Variants in GRIK1 observed in about 807,000 individuals in gnomAD.
GRIK1 encodes glutamate ionotropic receptor kainate type subunit 1, also known as glutamate receptor ionotropic, kainate 1.
GRIK1 carries 69 observed loss-of-function variants against 105.7 expected under a neutral mutation model. The ratio of observed to expected loss-of-function variants is 0.65; its 90% CI spans 0.54 to 0.80. The LOEUF is 0.80. Ranked by LOEUF, GRIK1 falls within the 30% of genes least tolerant of loss-of-function variation. GRIK1 has a pLI of 0.00. For missense variants in GRIK1, 1,109 were observed against 1,167.3 expected (o/e 0.95, Z 0.73); for synonymous variants, 438 against 431.3 (o/e 1.02, Z -0.19).
intron 1 of GRIK1, among the ~76,000 whole-genome samples, chr21:29,764,564 A>G (rs1191030958): frequency 6.6e-6 from 1 of 152,232 alleles, no homozygotes; most frequent in Admixed American, 6.5e-5. Context: ...CAAAAAGCTA[A>G]TTAACCTCCA....
chr21:29,832,826 C>T (rs1026968818), intron 1 of GRIK1, among the ~76,000 whole-genome samples: 6 of 152,192 alleles, frequency 3.9e-5, no homozygotes, highest in East Asian at 1.9e-4. Flanking sequence ...TTCTGCAACT[C>T]GCCTGGATTC....
At chr21:29,896,488 AG>A (rs2070166396) in intron 1 of GRIK1, among the ~76,000 whole-genome samples, 1 of 152,222 alleles carries the variant, frequency 6.6e-6, no homozygotes, top group African/African-American at 2.4e-5. Flanking sequence ...CCATATCCCC[AG>A]TATCTAGGAC....
chr21:29,927,491 A>C (rs1179441170), intron 1 of GRIK1, among the ~76,000 whole-genome samples: 1 of 150,200 alleles, frequency 6.7e-6, no homozygotes, highest in Non-Finnish European at 1.5e-5. Flanking sequence ...ATGTATATGC[A>C]ATGCTTATAA....
intron 1 of GRIK1, among the ~76,000 whole-genome samples, chr21:29,924,668 T>TG (rs1213613886): frequency 6.6e-6 from 1 of 152,236 alleles, no homozygotes; most frequent in Non-Finnish European, 1.5e-5. Context: ...CTTTTTTGTT[T>TG]TTTTCACCTT....
chr21:29,778,088 T>C (rs1476104250), intron 1 of GRIK1, among the ~76,000 whole-genome samples: 1 of 152,190 alleles, frequency 6.6e-6, no homozygotes, highest in African/African-American at 2.4e-5. Flanking sequence ...TAAATGTGGT[T>C]GTGGGTAAAA....
intron 1 of GRIK1, among the ~76,000 whole-genome samples, chr21:29,907,537 A>G (rs1245222133): frequency 3.9e-5 from 6 of 152,158 alleles, no homozygotes; most frequent in Non-Finnish European, 7.4e-5. Context: ...TATATTGTAA[A>G]GAGAAATGAT....
At chr21:29,572,978 G>C (rs1453158351) in intron 14 of GRIK1, among the ~76,000 whole-genome samples, 1 of 152,024 alleles carries the variant, frequency 6.6e-6, no homozygotes, top group African/African-American at 2.4e-5. Context: ...TCTCCATGTT[G>C]GTCAGGCTGG....
At chr21:29,742,302 G>T (rs561840788) in intron 1 of GRIK1, among the ~76,000 whole-genome samples, 1 of 152,224 alleles carries the variant, frequency 6.6e-6, no homozygotes, top group East Asian at 1.9e-4. Flanking sequence ...GTTTTTATTA[G>T]AAATACATTA....
intron 1 of GRIK1, among the ~76,000 whole-genome samples, chr21:29,719,916 T>C (rs2064278518): frequency 2.0e-5 from 3 of 152,342 alleles, no homozygotes; most frequent in Non-Finnish European, 2.9e-5. Flanking sequence ...TTTCACAGAC[T>C]ATAGCATATT....
chr21:29,642,935 A>ATG lies in GRIK1; in HGVS notation c.987_988dup (p.Met330ThrfsTer13). ...TGCCCGGTGCGAGGCAATGGCCACCATGTACACAGCATCGTACATCAGAGC... is the reference window on the plus strand; with the variant it reads ...TGCCCGGTGCGAGGCAATGGCCACCATGTGTACACAGCATCGTACATCAGAGC... On this transcript the variant is annotated frameshift_variant, in exon 7 of 18. Transcript: ENST00000327783. LOFTEE classifies it high-confidence loss of function. The ATG allele has an allele frequency of 6.2e-7, 1 of 1,614,114 alleles. No homozygotes were observed. Among genetic ancestry groups the ATG allele is most frequent in the Non-Finnish European group, 8.5e-7 (1 of 1,179,922 alleles).
chr21:29,694,477 G>A (rs2063654528), intron 1 of GRIK1, among the ~76,000 whole-genome samples: 1 of 152,068 alleles, frequency 6.6e-6, no homozygotes, highest in Non-Finnish European at 1.5e-5. Flanking sequence ...GATAAATAGA[G>A]TAATAGAGCA....
chr21:29,576,608 T>A (rs2090900254), intron 14 of GRIK1, among the ~76,000 whole-genome samples: 1 of 152,202 alleles, frequency 6.6e-6, no homozygotes, highest in Admixed American at 6.5e-5. Context: ...GGAACCTTTA[T>A]TTTATGGGTT....
chr21:29,813,923 T>A (rs1308436700), intron 1 of GRIK1, among the ~76,000 whole-genome samples: 7 of 149,630 alleles, frequency 4.7e-5, no homozygotes, highest in Non-Finnish European at 1.0e-4. Flanking sequence ...CTTTTTTTTT[T>A]TTTTTTTTGA....
intron 1 of GRIK1, among the ~76,000 whole-genome samples, chr21:29,921,313 G>A (rs1168234508): frequency 6.6e-6 from 1 of 152,138 alleles, no homozygotes; most frequent in Non-Finnish European, 1.5e-5. Context: ...TGAAATACTA[G>A]TGCAAGGTTT....
chr21:29,745,239 C>T (rs962426908), intron 1 of GRIK1, among the ~76,000 whole-genome samples: 10 of 152,116 alleles, frequency 6.6e-5, no homozygotes, highest in African/African-American at 1.4e-4. Flanking sequence ...CTCAGTCCAA[C>T]GATCCTCAAG....
At chr21:29,817,554 T>A (rs1569126540) in intron 1 of GRIK1, among the ~76,000 whole-genome samples, 2 of 152,076 alleles carry the variant, frequency 1.3e-5, no homozygotes, top group Admixed American at 6.6e-5. Context: ...GACAATACAC[T>A]GCTTCTAAGA....
chr21:29,858,496 T>C (rs929019446), intron 1 of GRIK1, among the ~76,000 whole-genome samples: 1 of 152,120 alleles, frequency 6.6e-6, no homozygotes, highest in African/African-American at 2.4e-5. Context: ...GCTGTTCCTA[T>C]GGGGACCCAG....
At chr21:29,852,265 G>A (rs1325379063) in intron 1 of GRIK1, among the ~76,000 whole-genome samples, 1 of 152,136 alleles carries the variant, frequency 6.6e-6, no homozygotes, top group Non-Finnish European at 1.5e-5. Flanking sequence ...CTCCCACAGA[G>A]CACTTTTCAC....
intron 14 of GRIK1, among the ~76,000 whole-genome samples, chr21:29,569,503 A>T (rs1243330536): frequency 2.0e-5 from 3 of 152,158 alleles, no homozygotes; most frequent in Non-Finnish European, 4.4e-5. Flanking sequence ...CAACAAAAAC[A>T]CTTTCCTGTA....
Sources: allele counts gnomAD v4.1 joint callset (sites outside exome capture counted in the v4.1 genomes callset), GRCh38; gene constraint gnomAD v4.1.1; transcripts MANE v1.5; gene names NCBI Gene and HGNC (gene_info 2026-07-23, HGNC 2026-07-21).